The following GALNT10 variants were observed in gnomAD, a reference collection of about 807,000 sequenced individuals.
The protein encoded by GALNT10 is polypeptide N-acetylgalactosaminyltransferase 10.
In GALNT10, 41 loss-of-function variants were observed where a neutral mutation model predicts 75.0. That is an observed-to-expected ratio of 0.55 (90% CI 0.43 to 0.71). GALNT10 has a LOEUF of 0.71. Ranked by LOEUF, GALNT10 falls within the 30% of genes least tolerant of loss-of-function variation. The pLI is 0.00. For synonymous variants in GALNT10, 302 were observed against 313.0 expected, an observed-to-expected ratio of 0.96 and a Z score of 0.37; for missense variants, 727 against 818.5, an observed-to-expected ratio of 0.89 and a Z score of 1.36.
At chr5:154,210,380 A>G (rs917308964) in intron 1 of GALNT10, among the ~76,000 whole-genome samples, 17 of 121,534 alleles carry the variant, frequency 1.4e-4, no homozygotes, top group Middle Eastern at 8.3e-3. Context: ...GCACACACAC[A>G]TGCATACACA....
chr5:154,305,363 T>C (rs1289053201), intron 3 of GALNT10, among the ~76,000 whole-genome samples: 1 of 151,554 alleles, frequency 6.6e-6, no homozygotes, highest in Non-Finnish European at 1.5e-5. Context: ...CCTGACCATA[T>C]CAATAATCAC....
chr5:154,294,882 G>T lies in GALNT10; in HGVS notation c.226G>T (p.Asp76Tyr). Residue 76 changes from aspartate (D) to tyrosine (Y), a missense_variant, in exon 2 of 12, where the codon GAC (aspartate) becomes TAC (tyrosine). Asp to Tyr is a radical substitution (Grantham distance 160). Transcript: ENST00000297107. ...GDGQKLKDWH[D>Y]KEAIRRDAQR... ...TGGGCAGAAGCTGAAGGACTGGCAT[G>T]ACAAGGAGGCCATCCGGAGGGACGC... 6.2e-7 allele frequency: 1 copy of T among 1,604,038 alleles called. No homozygotes were observed. Among genetic ancestry groups the T allele is most frequent in the Admixed American group, 1.7e-5 (1 of 60,014 alleles).
At chr5:154,355,473 G>C (rs1257338063) in intron 4 of GALNT10, among the ~76,000 whole-genome samples, 1 of 152,190 alleles carries the variant, frequency 6.6e-6, no homozygotes, top group African/African-American at 2.4e-5. Flanking sequence ...TCCGGGCCTG[G>C]CCCTGCCTCT....
chr5:154,373,729 C>T (rs1030871841), intron 4 of GALNT10, among the ~76,000 whole-genome samples: 3 of 152,110 alleles, frequency 2.0e-5, no homozygotes, highest in Non-Finnish European at 2.9e-5. Flanking sequence ...AATAGGGCAA[C>T]GGCCCGATTT....
At chr5:154,282,680 A>G (rs1329273857) in intron 1 of GALNT10, among the ~76,000 whole-genome samples, 2 of 152,240 alleles carry the variant, frequency 1.3e-5, no homozygotes, top group Non-Finnish European at 2.9e-5. Flanking sequence ...TAGCCCATTA[A>G]GTTGACCTGA....
chr5:154,339,628 G>A (rs72795417), intron 4 of GALNT10, among the ~76,000 whole-genome samples: 23,147 of 152,024 alleles, frequency 0.15, 1,881 homozygotes, highest in Non-Finnish European at 0.18. Flanking sequence ...AAGCTCCAAT[G>A]TTTTGGAAAG....
At position 154,298,160 on chromosome 5, in the gene GALNT10, C is replaced by T; in HGVS notation, c.401+81C>T. ...TGAGAATTAATTAAGGAAGCAGGTA[C>T]ATGGAGCCCTGCTGACGGAGACACC... On this transcript the variant is annotated intron_variant, in intron 3 of 11. Transcript: ENST00000297107. This position sits in a 1 kb window ranked among gnomAD's most constrained non-coding sequence, Gnocchi z 4.1. 1 of 1,289,666 alleles carries T rather than the reference C, an allele frequency of 7.8e-7. No individual in the cohort carries two copies. Among genetic ancestry groups the T allele is most frequent in the Non-Finnish European group, 1.1e-6 (1 of 906,294 alleles). The allele number at this position is 1,289,666 out of a possible 1,614,324, so 79.9% of individuals were successfully genotyped here. A position where few individuals can be genotyped will look rare whatever the true frequency, so the allele number is the denominator to read the frequency against.
intron 3 of GALNT10, among the ~76,000 whole-genome samples, chr5:154,317,830 C>T (rs1754617301): frequency 1.3e-5 from 2 of 152,326 alleles, no homozygotes; most frequent in African/African-American, 2.4e-5. Flanking sequence ...AGTCATAGCT[C>T]GATCCGGGTC....
intron 4 of GALNT10, among the ~76,000 whole-genome samples, chr5:154,370,185 C>T (rs2113165528): frequency 6.6e-6 from 1 of 152,360 alleles, no homozygotes; most frequent in Admixed American, 6.5e-5. Flanking sequence ...CTGGGACCTG[C>T]TTCCCTCACA....
intron 3 of GALNT10, among the ~76,000 whole-genome samples, chr5:154,304,316 G>A (rs1754398762): frequency 6.6e-6 from 1 of 151,932 alleles, no homozygotes; most frequent in Admixed American, 6.6e-5. Flanking sequence ...TGACATCAAG[G>A]CATGTTATAA....
intron 3 of GALNT10, among the ~76,000 whole-genome samples, chr5:154,302,227 T>C (rs1013374144): frequency 5.3e-5 from 8 of 152,246 alleles, no homozygotes; most frequent in East Asian, 3.8e-4. Context: ...GGCAACAGCA[T>C]GTCAAGAACA....
chr5:154,248,969 T>C (rs1337475455), intron 1 of GALNT10, among the ~76,000 whole-genome samples: 2 of 152,252 alleles, frequency 1.3e-5, no homozygotes, highest in Non-Finnish European at 2.9e-5. Context: ...ATGGAGATAC[T>C]AGAAATGGCT....
At chr5:154,389,908 A>C (rs1755867248) in intron 7 of GALNT10, among the ~76,000 whole-genome samples, 1 of 152,052 alleles carries the variant, frequency 6.6e-6, no homozygotes, top group South Asian at 2.1e-4. Context: ...ATTAAATACA[A>C]AAAAAAGACA....
chr5:154,228,722 C>T (rs1382365661), intron 1 of GALNT10, among the ~76,000 whole-genome samples: 1 of 152,224 alleles, frequency 6.6e-6, no homozygotes, highest in Non-Finnish European at 1.5e-5. Context: ...ATAGAGTGAA[C>T]TGCCAAACTC....
At chr5:154,322,582 G>A (rs557538021) in intron 3 of GALNT10, among the ~76,000 whole-genome samples, 12 of 152,250 alleles carry the variant, frequency 7.9e-5, no homozygotes, top group African/African-American at 2.9e-4. Context: ...GGCCATCCTT[G>A]GGGGCTGCTA....
In GALNT10 at chr5:154,282,116, G is replaced by A. The variant is rs550675517; in HGVS notation, c.160-12700G>A. Among the ~76,000 whole-genome samples the A allele has an allele frequency of 7.9e-5, 12 of 152,342 alleles. No individual in the cohort carries two copies. The South Asian group carries it at 1.4e-3, about 18-fold the overall frequency. ...CATCAGGTGAGGGCTTTCTTGCTGC[G>A]ATATAAGGTGGTAGAAAGCATCACA... On this transcript the variant is annotated intron_variant, in intron 1 of 11. Transcript: ENST00000297107.
intron 4 of GALNT10, among the ~76,000 whole-genome samples, chr5:154,355,278 G>T (rs1755272327): frequency 6.6e-6 from 1 of 152,144 alleles, no homozygotes; most frequent in Non-Finnish European, 1.5e-5. Flanking sequence ...CATCACACAT[G>T]CTTTCATGAC....
At chr5:154,309,000 A>C (rs1437221310) in intron 3 of GALNT10, among the ~76,000 whole-genome samples, 3 of 152,238 alleles carry the variant, frequency 2.0e-5, no homozygotes, top group African/African-American at 7.2e-5. Flanking sequence ...ATAAACAAAC[A>C]AATAAATGGA....
intron 1 of GALNT10, among the ~76,000 whole-genome samples, chr5:154,206,385 G>A (rs965316042): frequency 2.3e-4 from 35 of 152,162 alleles, no homozygotes; most frequent in African/African-American, 8.0e-4. Flanking sequence ...AAATTGATTT[G>A]GGGGATTACT....
Sources: allele counts gnomAD v4.1 joint callset (sites outside exome capture counted in the v4.1 genomes callset), GRCh38; gene constraint gnomAD v4.1.1; non-coding constraint Gnocchi (gnomAD v3.1); transcripts MANE v1.5; gene names NCBI Gene and HGNC (gene_info 2026-07-23, HGNC 2026-07-21).